Variants in PLSCR5 observed in about 807,000 individuals in gnomAD.
PLSCR5 encodes phospholipid scramblase family, member 5.
Under a neutral mutation model 33.6 loss-of-function variants are expected in PLSCR5, and 44 were observed. The observed-to-expected ratio is 1.31, with a 90% confidence interval of 1.03 to 1.69. The LOEUF (loss-of-function observed/expected upper bound fraction) is 1.69. PLSCR5 is among the 40% of genes most tolerant of loss of function. The probability of loss-of-function intolerance (pLI) is 0.00; values close to 1 mark genes in which losing one functional copy is unlikely to be tolerated. For synonymous variants in PLSCR5, 148 were observed against 112.3 expected (o/e 1.32, Z -2.01); for missense variants, 375 against 318.7 (o/e 1.18, Z -1.34).
At chr3:146,582,174 AG>A (rs1417330177), downstream of PLSCR5, among the ~76,000 whole-genome samples, 1 of 152,222 alleles carries the variant, frequency 6.6e-6, no homozygotes, top group Non-Finnish European at 1.5e-5. Flanking sequence ...GTAGTCAGTT[AG>A]GGTGGGTCCT....
intron 1 of PLSCR5, among the ~76,000 whole-genome samples, chr3:146,602,945 A>T (rs1318966361): frequency 2.0e-5 from 3 of 152,086 alleles, no homozygotes; most frequent in Non-Finnish European, 4.4e-5. Context: ...GAGAGACATC[A>T]CTATTCTGAG....
chr3:146,578,244 CA>C (rs1467421604), intron 7 of PLSCR5, among the ~76,000 whole-genome samples: 2 of 151,774 alleles, frequency 1.3e-5, no homozygotes, highest in Non-Finnish European at 2.9e-5. Flanking sequence ...AACTTTTTCT[CA>C]AAGGTATTTT....
intron 1 of PLSCR5, 39 bp downstream of exon 1, chr3:146,605,161 T>C (rs760100937): frequency 1.3e-6 from 2 of 1,579,076 alleles, no homozygotes; most frequent in Non-Finnish European, 8.7e-7. Flanking sequence ...TTAGTCTTAA[T>C]ATAAGAAAAA....
intron 7 of PLSCR5, among the ~76,000 whole-genome samples, chr3:146,579,926 A>G (rs2044622448): frequency 6.6e-6 from 1 of 152,022 alleles, no homozygotes; most frequent in South Asian, 2.1e-4. Flanking sequence ...CTATATTTCT[A>G]TTTCTTCTGT....
chr3:146,602,355 T>C (rs1178918312), intron 1 of PLSCR5, among the ~76,000 whole-genome samples: 1 of 152,174 alleles, frequency 6.6e-6, no homozygotes, highest in Non-Finnish European at 1.5e-5. Context: ...TTAGCGTTAG[T>C]GCAAAATGTA....
intron 7 of PLSCR5, among the ~76,000 whole-genome samples, chr3:146,579,986 A>G (rs375365113): frequency 6.6e-6 from 1 of 152,318 alleles, no homozygotes; most frequent in East Asian, 1.9e-4. Flanking sequence ...CCAGCCAAAC[A>G]CTTCCTAGCT....
At chr3:146,597,830 T>A (rs887007574) in intron 2 of PLSCR5, among the ~76,000 whole-genome samples, 24 of 152,088 alleles carry the variant, frequency 1.6e-4, no homozygotes, top group African/African-American at 4.6e-4. Context: ...ATAATTAATT[T>A]AAAAAAAATC....
intron 2 of PLSCR5, among the ~76,000 whole-genome samples, chr3:146,598,835 C>T (rs2044785314): frequency 6.6e-6 from 1 of 152,214 alleles, no homozygotes; most frequent in Non-Finnish European, 1.5e-5. Context: ...TCTCCCTGAG[C>T]TCTCCAGTCT....
rs2044661732 is a variant in PLSCR5 at position 146,585,853 on chromosome 3, T to C, written c.*134A>G. 1 of 378,994 alleles carries C rather than the reference T, an allele frequency of 2.6e-6. No individual in the cohort carries two copies. The highest frequency in any genetic ancestry group is 4.5e-6 in the Non-Finnish European group (1 of 221,054). The allele number at this position is 378,994 out of a possible 1,614,324, so 23.5% of individuals were successfully genotyped here. ...ACTAGATAATTGCCTCATTAAACTGTTTTAATAAATATAATAATTAACATT... is the reference window on the plus strand; with the variant it reads ...ACTAGATAATTGCCTCATTAAACTGCTTTAATAAATATAATAATTAACATT... On this transcript the variant is annotated 3_prime_UTR_variant, in exon 8 of 8. Transcript: ENST00000443512.
rs773998548 is a variant in PLSCR5 at position 146,589,617 on chromosome 3, T to C, written c.777+36A>G. 1.0e-5 allele frequency: 15 copies of C among 1,473,014 alleles called. No individual in the cohort carries two copies. In the East Asian group the frequency reaches 1.9e-4, roughly 19 times the overall value. 91.2% of individuals were successfully genotyped at this position (1,473,014 alleles called of 1,614,324 possible). A position where few individuals can be genotyped will look rare whatever the true frequency, so the allele number is the denominator to read the frequency against. ...TGTAATTAACAAGCAAGAGGGAGAATAACAAATCACTCATGCTCTCAAAGC... is the reference window on the plus strand; with the variant it reads ...TGTAATTAACAAGCAAGAGGGAGAACAACAAATCACTCATGCTCTCAAAGC... On this transcript the variant is annotated intron_variant, in intron 6 of 7. Transcript: ENST00000443512.
intron 6 of PLSCR5, among the ~76,000 whole-genome samples, chr3:146,587,361 C>T (rs2044674307): frequency 6.6e-6 from 1 of 152,154 alleles, no homozygotes; most frequent in African/African-American, 2.4e-5. Flanking sequence ...ATAAGAAAAA[C>T]TGATAAGGTT....
downstream of PLSCR5, among the ~76,000 whole-genome samples, chr3:146,585,374 G>A (rs2044659042): frequency 6.6e-6 from 1 of 151,948 alleles, no homozygotes; most frequent in African/African-American, 2.4e-5. Context: ...TAAATCTCTG[G>A]CATGAGTAGG....
intron 1 of PLSCR5, among the ~76,000 whole-genome samples, chr3:146,603,980 T>TA (rs1387529574): frequency 6.6e-6 from 1 of 152,074 alleles, no homozygotes; most frequent in African/African-American, 2.4e-5. Flanking sequence ...TAAAGATTGA[T>TA]AAAAAATGGA....
At chr3:146,595,574 CT>C (rs1471572967) in intron 2 of PLSCR5, among the ~76,000 whole-genome samples, 1 of 151,792 alleles carries the variant, frequency 6.6e-6, no homozygotes, top group African/African-American at 2.4e-5. Flanking sequence ...ACACTCCAGC[CT>C]AGTCCCCAGA....
At chr3:146,600,486 A>G (rs2044803631) in intron 1 of PLSCR5, 23 bp from the exon 2 acceptor site, 1 of 1,541,340 alleles carries the variant, frequency 6.5e-7, no homozygotes, top group African/African-American at 1.4e-5. Flanking sequence ...GGAAATCCCA[A>G]TCCATATTTA....
chr3:146,596,936 A>C (rs559461681), intron 2 of PLSCR5, among the ~76,000 whole-genome samples: 1 of 152,210 alleles, frequency 6.6e-6, no homozygotes, highest in Admixed American at 6.5e-5. Context: ...TATTAGAAAA[A>C]AAATACTAGA....
chr3:146,602,353 A>C (rs1293680797), intron 1 of PLSCR5, among the ~76,000 whole-genome samples: 2 of 152,210 alleles, frequency 1.3e-5, no homozygotes, highest in Non-Finnish European at 2.9e-5. Flanking sequence ...CTTTAGCGTT[A>C]GTGCAAAATG....
At chr3:146,590,440 T>C (rs1395223535) in intron 5 of PLSCR5, 1 of 152,094 alleles carries the variant, frequency 6.6e-6, no homozygotes, top group South Asian at 2.1e-4. Context: ...CTGGTTAATG[T>C]ACCATATAGG....
rs1240237811 is a variant in PLSCR5, at chr3:146,593,876, C to T, written c.453+44G>A. ...TGAATTCCTTTTAAAGAAACAAATG[C>T]TAATCTTAAAAATCAAAAAGGACAA... On this transcript the variant is annotated intron_variant, in intron 4 of 7. Transcript: ENST00000443512. 7.1e-6 allele frequency: 11 copies of T among 1,551,176 alleles called. No homozygotes were observed. In the South Asian group the frequency reaches 9.0e-5, roughly 13 times the overall value.
Sources: allele counts gnomAD v4.1 joint callset (sites outside exome capture counted in the v4.1 genomes callset), GRCh38; gene constraint gnomAD v4.1.1; transcripts MANE v1.5; gene names NCBI Gene and HGNC (gene_info 2026-07-23, HGNC 2026-07-21).